The following NFKB1 variants were observed in gnomAD, a reference collection of about 807,000 sequenced individuals.
NFKB1 encodes nuclear factor NF-kappa-B p105 subunit.
In NFKB1, 9 loss-of-function variants were observed where a neutral mutation model predicts 105.1. The observed-to-expected ratio is 0.09, with a 90% CI of 0.05 to 0.15. The LOEUF (loss-of-function observed/expected upper bound fraction) is 0.15. Among genes scored for constraint, NFKB1 ranks in the 10% least tolerant of loss-of-function variants. The pLI is 1.00. For missense variants in NFKB1, 830 were observed against 1,203.7 expected, an observed-to-expected ratio of 0.69 and a Z score of 4.59; for synonymous variants, 440 against 442.2, an observed-to-expected ratio of 1.00 and a Z score of 0.06.
At chr4:102,591,666 A>G (rs1242964166) in intron 11 of NFKB1, among the ~76,000 whole-genome samples, 1 of 152,174 alleles carries the variant, frequency 6.6e-6, no homozygotes, top group Non-Finnish European at 1.5e-5. Context: ...GAAAAAAGAA[A>G]AAAAAAGGAT....
intron 21 of NFKB1, 87 bp downstream of exon 21, chr4:102,612,197 A>T (rs998212749): frequency 7.8e-7 from 1 of 1,280,870 alleles, no homozygotes; most frequent in Non-Finnish European, 1.1e-6. Context: ...TCCAGGGTCT[A>T]CTGTTAAAAG....
chr4:102,545,498 T>A (rs1722064779), intron 5 of NFKB1, among the ~76,000 whole-genome samples: 1 of 152,092 alleles, frequency 6.6e-6, no homozygotes, highest in Admixed American at 6.6e-5. Flanking sequence ...CTAGAGAAAT[T>A]AAGAAGCTTA....
intron 1 of NFKB1, among the ~76,000 whole-genome samples, chr4:102,507,087 G>T (rs1739468324): frequency 6.7e-6 from 1 of 149,910 alleles, no homozygotes; most frequent in South Asian, 2.1e-4. Flanking sequence ...ATTTTTTGTT[G>T]TTGCCAGCAA....
chr4:102,505,863 G>A (rs983249339), intron 1 of NFKB1, among the ~76,000 whole-genome samples: 3 of 151,080 alleles, frequency 2.0e-5, no homozygotes, highest in Admixed American at 6.6e-5. Context: ...TGAATGATAT[G>A]AAGTTGTTGC....
At chr4:102,528,065 T>A (rs1448991231) in intron 2 of NFKB1, among the ~76,000 whole-genome samples, 1 of 152,104 alleles carries the variant, frequency 6.6e-6, no homozygotes, top group Non-Finnish European at 1.5e-5. Context: ...CTCAGTGTTT[T>A]AGTGGAGTCT....
At chr4:102,529,025 A>G (rs1161724541) in intron 2 of NFKB1, among the ~76,000 whole-genome samples, 1 of 151,912 alleles carries the variant, frequency 6.6e-6, no homozygotes, top group African/African-American at 2.4e-5. Context: ...CATACTTCCT[A>G]CTATTCAGTG....
intron 23 of NFKB1, 135 bp from the exon 24 acceptor site, chr4:102,616,299 G>T: frequency 1.1e-6 from 1 of 884,298 alleles, no homozygotes; most frequent in Non-Finnish European, 1.8e-6. Flanking sequence ...ACGGTGAGCA[G>T]TCATGACAGT....
intron 19 of NFKB1, among the ~76,000 whole-genome samples, chr4:102,610,069 C>G (rs1728251937): frequency 6.6e-6 from 1 of 152,200 alleles, no homozygotes; most frequent in African/African-American, 2.4e-5. Context: ...ATTTAAAGAT[C>G]AGAACCCTGG....
intron 5 of NFKB1, among the ~76,000 whole-genome samples, chr4:102,538,692 G>A (rs555090722): frequency 5.3e-5 from 8 of 152,252 alleles, no homozygotes; most frequent in African/African-American, 1.9e-4. Flanking sequence ...TTCATAATAT[G>A]CTATGTTTCA....
At chr4:102,569,736 C>T (rs771011590) in intron 6 of NFKB1, among the ~76,000 whole-genome samples, 5 of 152,048 alleles carry the variant, frequency 3.3e-5, no homozygotes, top group Non-Finnish European at 7.4e-5. Flanking sequence ...ATCTTTCCCT[C>T]AGTATGAATT....
rs1726727772 is a variant in NFKB1 at position 102,597,505 on chromosome 4, G to T, written c.1496-15G>T. The T allele has an allele frequency of 6.2e-7, 1 of 1,602,108 alleles. No homozygotes were observed. The highest frequency in any genetic ancestry group is 8.5e-7 in the Non-Finnish European group (1 of 1,172,368). ...GTAGGAACACTCAACTATGATTGTGGTCATTGCCTTACAGATAACCTCTTT... is the reference window on the plus strand; with the variant it reads ...GTAGGAACACTCAACTATGATTGTGTTCATTGCCTTACAGATAACCTCTTT... On this transcript the variant is annotated splice_polypyrimidine_tract_variant and intron_variant, in intron 14 of 23. Transcript: ENST00000226574.
At position 102,552,398 on chromosome 4, in the gene NFKB1, C is replaced by G. The variant is rs541944499; in HGVS notation, c.258+14442C>G. Among the ~76,000 whole-genome samples, 25 of 152,288 alleles carry G rather than the reference C, an allele frequency of 1.6e-4. No homozygotes were observed. In the South Asian group the frequency reaches 5.2e-3, roughly 32 times the overall value. On this transcript the variant is annotated intron_variant, in intron 5 of 23. Coordinates refer to ENST00000226574, the MANE Select transcript of NFKB1 (RefSeq NM_003998.4). ...CAGGCGATAGAGGTTTCAGTTGCTG[C>G]TGACAGTCAGGGCTGTCTGAGGATG...
intron 1 of NFKB1, among the ~76,000 whole-genome samples, chr4:102,511,426 G>A (rs1739773623): frequency 6.6e-6 from 1 of 152,158 alleles, no homozygotes; most frequent in East Asian, 1.9e-4. Context: ...TGTAATCCCA[G>A]TACTTCAGGA....
chr4:102,585,037 A>G (rs758119517), intron 11 of NFKB1, among the ~76,000 whole-genome samples: 1 of 151,046 alleles, frequency 6.6e-6, no homozygotes, highest in African/African-American at 2.4e-5. Flanking sequence ...GTGCGCCACC[A>G]TGCCGGGCTA....
intron 5 of NFKB1, among the ~76,000 whole-genome samples, chr4:102,566,131 T>C (rs1485957174): frequency 1.3e-5 from 2 of 152,182 alleles, no homozygotes; most frequent in African/African-American, 2.4e-5. Flanking sequence ...CTACAGGGGC[T>C]AGGTGACTAA....
At chr4:102,519,795 A>G (rs998567751) in intron 1 of NFKB1, among the ~76,000 whole-genome samples, 1 of 152,172 alleles carries the variant, frequency 6.6e-6, no homozygotes, top group Non-Finnish European at 1.5e-5. Context: ...AACCTGAGCA[A>G]ATGACTTACT....
chr4:102,590,976 G>C (rs1726120658), intron 11 of NFKB1, among the ~76,000 whole-genome samples: 1 of 152,138 alleles, frequency 6.6e-6, no homozygotes, highest in Admixed American at 6.5e-5. Context: ...CCAGAGAAAG[G>C]CCTTAACTCT....
At chr4:102,572,281 C>T (rs982767665) in intron 6 of NFKB1, among the ~76,000 whole-genome samples, 1 of 139,318 alleles carries the variant, frequency 7.2e-6, no homozygotes, top group African/African-American at 2.7e-5. Flanking sequence ...GGAAATTGAA[C>T]AATGAGAACA....
intron 16 of NFKB1, 92 bp from the exon 17 acceptor site, chr4:102,606,404 G>C: frequency 8.5e-7 from 1 of 1,183,124 alleles, no homozygotes; most frequent in Non-Finnish European, 1.3e-6. Context: ...CTGCAGTATG[G>C]CCCCACCTAT....
Sources: gnomAD v4.1 joint callset for allele counts (sites outside exome capture counted in the v4.1 genomes callset) on GRCh38, gnomAD v4.1.1 for gene constraint, MANE v1.5 for transcripts, NCBI Gene and HGNC (gene_info 2026-07-23, HGNC 2026-07-21) for gene names.